ZDHHC13: variants seen among roughly 807,000 people sequenced by gnomAD.
ZDHHC13 encodes zDHHC palmitoyltransferase 13.
ZDHHC13 carries 85 observed loss-of-function variants against 86.0 expected under a neutral mutation model. The ratio of observed to expected loss-of-function variants is 0.99; its 90% CI spans 0.83 to 1.18. The LOEUF (loss-of-function observed/expected upper bound fraction) is 1.18, where lower values mean the gene tolerates loss of function less well. Ranked by LOEUF, ZDHHC13 falls within the 50% of genes most tolerant of loss-of-function variation. The pLI is 0.00. For synonymous variants in ZDHHC13, 263 were observed against 246.4 expected, an observed-to-expected ratio of 1.07 and a Z score of -0.63; for missense variants, 711 against 730.2, an observed-to-expected ratio of 0.97 and a Z score of 0.30.
intron 10 of ZDHHC13, among the ~76,000 whole-genome samples, chr11:19,161,978 A>T (rs1849923705): frequency 6.6e-6 from 1 of 152,144 alleles, no homozygotes; most frequent in Non-Finnish European, 1.5e-5. Flanking sequence ...TCTGTTTTGA[A>T]TTATATCCTT....
At chr11:19,169,192 ATT>A (rs1003870208) in intron 14 of ZDHHC13, 75 of 985,274 alleles carry the variant, frequency 7.6e-5, no homozygotes, top group Non-Finnish European at 9.0e-5. Context: ...GAAAATAGAT[ATT>A]CTTTCCCAAT....
In ZDHHC13 at chr11:19,152,773, A is replaced by G; in HGVS notation, c.873+89A>G. 1.9e-6 allele frequency: 3 copies of G among 1,586,700 alleles called. No homozygotes were observed. In the South Asian group the frequency reaches 3.4e-5, roughly 18 times the overall value. The stretch of plus-strand genomic sequence containing the variant: ...ATTAAGGCATCAGAGGAAACCAGAG[A>G]GTTGGCTTTTTGCTGCATTATATCT... On this transcript the variant is annotated intron_variant, in intron 8 of 16. Coordinates refer to ENST00000446113, the MANE Select transcript of ZDHHC13 (RefSeq NM_019028.3).
In ZDHHC13 at chr11:19,166,320, A is replaced by G. The variant is rs371534563; in HGVS notation, c.1409A>G (p.Tyr470Cys). The change falls in exon 14 of 17, where the codon TAT becomes TGT. Residue 470 changes from tyrosine to cysteine, a missense_variant. Tyr to Cys is a radical substitution (Grantham distance 194, BLOSUM62 -2). Coordinates refer to ENST00000446113, the MANE Select transcript of ZDHHC13 (RefSeq NM_019028.3). ...GRCIGFGNHH[Y>C]YIFFLFFLSM... The stretch of plus-strand genomic sequence containing the variant: ...TCTTGAGGTTTTGGCAACCATCACT[A>G]TTACATATTCTTCTTGTTTTTCCTT... 10 of 1,611,504 alleles carry G rather than the reference A, an allele frequency of 6.2e-6. No homozygotes were observed. The highest frequency in any genetic ancestry group is 2.2e-5 in the South Asian group (2 of 90,654).
At chr11:19,135,089 C>G (rs913794239) in intron 1 of ZDHHC13, among the ~76,000 whole-genome samples, 19 of 152,172 alleles carry the variant, frequency 1.2e-4, no homozygotes, top group Non-Finnish European at 2.1e-4. Flanking sequence ...CGAATAGGAA[C>G]AGCTCTGGTC....
rs140367445 is a variant in ZDHHC13, at chr11:19,131,111, C to T, written c.28-11867C>T. Among the ~76,000 whole-genome samples the T allele has an allele frequency of 6.9e-3, 1,046 of 151,676 alleles. 8 individuals are homozygous for T. The highest frequency in any genetic ancestry group is 0.024 in the African/African-American group (982 of 41,376). Reference sequence around the variant, plus strand: ...TCGGCTCACTGCAAGCTCCGCCTCCCGGCTTCACGCCATTCTCCTGCCTCA... The same window carrying T: ...TCGGCTCACTGCAAGCTCCGCCTCCTGGCTTCACGCCATTCTCCTGCCTCA... On this transcript the variant is annotated intron_variant, in intron 1 of 16. Coordinates refer to ENST00000446113, the MANE Select transcript of ZDHHC13 (RefSeq NM_019028.3).
chr11:19,175,698 C>A, intron 16 of ZDHHC13, 124 bp from the exon 17 acceptor site: 1 of 1,081,588 alleles, frequency 9.2e-7, no homozygotes, highest in Non-Finnish European at 1.3e-6. Context: ...TGATCTACCC[C>A]ATCTACCCCT....
chr11:19,130,931 C>T (rs1185589979), intron 1 of ZDHHC13, among the ~76,000 whole-genome samples: 6 of 152,122 alleles, frequency 3.9e-5, no homozygotes, highest in Non-Finnish European at 8.8e-5. Context: ...CTGCAACCTC[C>T]GCCTCCTGGG....
chr11:19,125,202 A>G (rs1848848271), intron 1 of ZDHHC13, among the ~76,000 whole-genome samples: 1 of 152,238 alleles, frequency 6.6e-6, no homozygotes, highest in African/African-American at 2.4e-5. Context: ...ACCAGGAGAA[A>G]ATATCTGCAA....
intron 1 of ZDHHC13, among the ~76,000 whole-genome samples, chr11:19,126,328 TTTC>T (rs1279658958): frequency 7.4e-6 from 1 of 135,002 alleles, no homozygotes; most frequent in Non-Finnish European, 1.6e-5. Context: ...TTCTTCTTTT[TTTC>T]TTTTCTTTTT....
Position 19,135,831 on chromosome 11 carries a change from C to T in ZDHHC13, c.28-7147C>T, listed in dbSNP as rs551682189. 6.8e-3 allele frequency among the ~76,000 whole-genome samples: 1,040 copies of T among 152,226 alleles called. 9 individuals carry two copies. The highest frequency in any genetic ancestry group is 0.024 in the African/African-American group (981 of 41,524). On this transcript the variant is annotated intron_variant, in intron 1 of 16. Coordinates refer to ENST00000446113, the MANE Select transcript of ZDHHC13 (RefSeq NM_019028.3). The stretch of plus-strand genomic sequence containing the variant: ...GGGGTAGACTGACACCTCACATGGC[C>T]GGGTACTCCAACAGACCTGCAGCTG...
chr11:19,164,596 T>C (rs1850005860), intron 12 of ZDHHC13: 1 of 539,366 alleles, frequency 1.9e-6, no homozygotes, highest in African/African-American at 1.9e-5. Context: ...CCATTGTGTG[T>C]TTTATTTGCT....
At position 19,138,921 on chromosome 11, in the gene ZDHHC13, A is replaced by C. The variant is rs1322531316; in HGVS notation, c.28-4057A>C. On this transcript the variant is annotated intron_variant, in intron 1 of 16. Transcript: ENST00000446113. ...TATTGATGGGACGTATCTCAAAATA[A>C]TAAGAGCTATCTATGACAAACCCAC... Among the ~76,000 whole-genome samples the C allele has an allele frequency of 5.2e-3, 788 of 150,954 alleles. 7 individuals are homozygous for C. The highest frequency in any genetic ancestry group is 0.018 in the African/African-American group (745 of 41,022).
Position 19,143,101 on chromosome 11 carries a change from T to C in ZDHHC13, c.151T>C (p.Cys51Arg). 6.2e-7 allele frequency: 1 copy of C among 1,612,832 alleles called. No individual in the cohort carries two copies. The highest frequency in any genetic ancestry group is 1.1e-5 in the South Asian group (1 of 90,966). ...ALPLIEDSSNCDIVKATQYGI... is the reference protein window; with the variant it reads ...ALPLIEDSSNRDIVKATQYGI... ...TCCTCTTATAGAGGACTCTAGTAAC[T>C]GTGACATTGTCAAAGCTACTCAGTA... The change falls in exon 2 of 17, where the codon TGT becomes CGT. Residue 51 changes from cysteine to arginine, a missense_variant. Physicochemically the swap from Cys to Arg is radical, Grantham distance 180. Transcript: ENST00000446113.
chr11:19,174,869 A>G (rs534137807), intron 16 of ZDHHC13, among the ~76,000 whole-genome samples: 44 of 152,214 alleles, frequency 2.9e-4, no homozygotes, highest in Non-Finnish European at 4.8e-4. Flanking sequence ...AGATTTATAA[A>G]GATGCACAGA....
intron 9 of ZDHHC13, among the ~76,000 whole-genome samples, chr11:19,158,382 G>A (rs561173883): frequency 1.6e-4 from 25 of 152,220 alleles, no homozygotes; most frequent in African/African-American, 6.0e-4. Context: ...GAGATTGTTA[G>A]TGTTCTGAAT....
At chr11:19,126,823 G>A (rs951383089) in intron 1 of ZDHHC13, among the ~76,000 whole-genome samples, 2 of 152,112 alleles carry the variant, frequency 1.3e-5, no homozygotes, top group Admixed American at 6.6e-5. Context: ...GTATTCCATG[G>A]TTTATATGTA....
intron 2 of ZDHHC13, among the ~76,000 whole-genome samples, chr11:19,145,509 C>A (rs1020540100): frequency 6.6e-6 from 1 of 152,212 alleles, no homozygotes; most frequent in Admixed American, 6.5e-5. Flanking sequence ...GCACAGAAGG[C>A]CCATGTGATC....
intron 15 of ZDHHC13, 31 bp downstream of exon 15, chr11:19,170,599 A>C (rs771304529): frequency 6.7e-7 from 1 of 1,497,150 alleles, no homozygotes; most frequent in African/African-American, 1.4e-5. Context: ...AATGGCTTTG[A>C]GTAAAATTTC....
chr11:19,119,827 T>C (rs1046849478), intron 1 of ZDHHC13, among the ~76,000 whole-genome samples: 2 of 152,242 alleles, frequency 1.3e-5, no homozygotes, highest in African/African-American at 4.8e-5. Flanking sequence ...TAAATACTTG[T>C]CAATGAATGA....
Sources: allele counts gnomAD v4.1 joint callset (sites outside exome capture counted in the v4.1 genomes callset), GRCh38; gene constraint gnomAD v4.1.1; transcripts MANE v1.5; gene names NCBI Gene and HGNC (gene_info 2026-07-23, HGNC 2026-07-21).